FHIT: variants seen among roughly 807,000 people sequenced by gnomAD.
The protein encoded by FHIT is fragile histidine triad diadenosine triphosphatase.
A neutral mutation model predicts 17.9 loss-of-function variants in FHIT; 19 were observed. The ratio of observed to expected loss-of-function variants is 1.06; its 90% CI spans 0.74 to 1.56. FHIT has a LOEUF of 1.56. Among genes scored for constraint, FHIT ranks in the 40% most tolerant of loss-of-function variants. The pLI is 0.00. For synonymous variants in FHIT, 81 were observed against 69.7 expected (o/e 1.16, Z -0.81); for missense variants, 248 against 189.2 (o/e 1.31, Z -1.82).
At chr3:60,700,232 T>TA (rs549460561) in intron 4 of FHIT, among the ~76,000 whole-genome samples, 38 of 151,752 alleles carry the variant, frequency 2.5e-4, no homozygotes, top group African/African-American at 7.2e-4. Flanking sequence ...CCATGGCAAC[T>TA]AAAAAAAACA....
intron 5 of FHIT, among the ~76,000 whole-genome samples, chr3:60,523,111 C>G (rs575840044): frequency 1.3e-5 from 2 of 152,196 alleles, no homozygotes; most frequent in East Asian, 1.9e-4. Flanking sequence ...TGGGGGAAAC[C>G]ATCCCTGTGA....
chr3:59,953,713 C>A (rs568894906), intron 7 of FHIT, among the ~76,000 whole-genome samples: 1 of 152,190 alleles, frequency 6.6e-6, no homozygotes, highest in Admixed American at 6.5e-5. Context: ...ACCTAGCACA[C>A]CAAACCTTTC....
intron 3 of FHIT, among the ~76,000 whole-genome samples, chr3:60,886,908 G>A (rs1705249325): frequency 6.6e-6 from 1 of 152,150 alleles, no homozygotes; most frequent in Non-Finnish European, 1.5e-5. Context: ...TCTTTTCAGA[G>A]TTTCAGTTTA....
At position 60,840,719 on chromosome 3, in the gene FHIT, T is replaced by G. The variant is rs185371887; in HGVS notation, c.-110-18708A>C. Among the ~76,000 whole-genome samples the G allele has an allele frequency of 1.0e-3, 154 of 152,336 alleles. 1 individual carries two copies. Among genetic ancestry groups the G allele is most frequent in the Non-Finnish European group, 1.9e-4 (13 of 68,026 alleles). ...TGCCTTGAGGGCTTTCTCTTATAATTATGTGACAAATTATATCTGAATTAT... is the reference window on the plus strand; with the variant it reads ...TGCCTTGAGGGCTTTCTCTTATAATGATGTGACAAATTATATCTGAATTAT... On this transcript the variant is annotated intron_variant, in intron 3 of 9. Coordinates refer to ENST00000492590, the MANE Select transcript of FHIT (RefSeq NM_002012.4).
At chr3:60,034,197 G>A (rs1347576412) in intron 5 of FHIT, among the ~76,000 whole-genome samples, 6 of 152,222 alleles carry the variant, frequency 3.9e-5, no homozygotes, top group Non-Finnish European at 8.8e-5. Flanking sequence ...AGAGGGTCAA[G>A]GTGAATGGCT....
At chr3:59,922,470 C>T (rs1169704439) in intron 7 of FHIT, 56 bp from the exon 8 acceptor site, 3 of 1,450,428 alleles carry the variant, frequency 2.1e-6, no homozygotes, top group African/African-American at 1.4e-5. Context: ...TATTTTTAGA[C>T]TTGACAGTGA....
intron 2 of FHIT, among the ~76,000 whole-genome samples, chr3:61,043,540 C>T (rs2033633565): frequency 6.6e-6 from 1 of 152,236 alleles, no homozygotes; most frequent in Admixed American, 6.5e-5. Flanking sequence ...CTGTAGTCTC[C>T]ACCTCTGGGG....
chr3:60,853,567 A>C (rs1437131092), intron 3 of FHIT, among the ~76,000 whole-genome samples: 1 of 152,088 alleles, frequency 6.6e-6, no homozygotes, highest in African/African-American at 2.4e-5. Flanking sequence ...AATATAAAGC[A>C]AGGTCGTCTC....
At chr3:60,563,255 A>G (rs1201394057) in intron 4 of FHIT, among the ~76,000 whole-genome samples, 1 of 152,180 alleles carries the variant, frequency 6.6e-6, no homozygotes, top group Non-Finnish European at 1.5e-5. Flanking sequence ...AGAGCTAATA[A>G]TACTTACTGA....
rs1441378959 is a variant in FHIT, at chr3:61,068,401, A to G, written c.-163-26302T>C. ...TAGGAGGTTGACCCCTCCTTCCATC[A>G]TCAAGTCAGCAATGAGGGGTTGGGT... On this transcript the variant is annotated intron_variant, in intron 2 of 9. Coordinates refer to ENST00000492590, the MANE Select transcript of FHIT (RefSeq NM_002012.4). Among the ~76,000 whole-genome samples, 5 of 152,128 alleles carry G rather than the reference A, an allele frequency of 3.3e-5. No individual in the cohort carries two copies. The East Asian group carries it at 9.6e-4, about 29-fold the overall frequency.
chr3:61,229,545 C>T (rs1434431438), intron 1 of FHIT, among the ~76,000 whole-genome samples: 1 of 152,126 alleles, frequency 6.6e-6, no homozygotes, highest in East Asian at 1.9e-4. Flanking sequence ...AGCTGTAGTA[C>T]CTTACTAGCT....
intron 1 of FHIT, among the ~76,000 whole-genome samples, chr3:61,215,775 T>C (rs1445343926): frequency 6.6e-6 from 1 of 152,156 alleles, no homozygotes; most frequent in Non-Finnish European, 1.5e-5. Flanking sequence ...CAAAACAGCA[T>C]GGTACTGGTA....
intron 5 of FHIT, among the ~76,000 whole-genome samples, chr3:60,215,553 A>G (rs139184449): frequency 2.9e-4 from 44 of 152,174 alleles, no homozygotes; most frequent in Admixed American, 2.4e-3. Context: ...ACAGAGTGGT[A>G]CTCCATCTCA....
At chr3:60,428,948 A>T (rs1329700448) in intron 5 of FHIT, among the ~76,000 whole-genome samples, 1 of 152,122 alleles carries the variant, frequency 6.6e-6, no homozygotes. Flanking sequence ...GACAACTTTC[A>T]GTTACTCTGC....
intron 5 of FHIT, among the ~76,000 whole-genome samples, chr3:60,272,992 C>G (rs902509967): frequency 6.6e-6 from 1 of 152,204 alleles, no homozygotes; most frequent in Non-Finnish European, 1.5e-5. Context: ...GCCTAGGTAG[C>G]TAACCTGCTC....
At chr3:61,211,734 C>T (rs554309001) in intron 1 of FHIT, among the ~76,000 whole-genome samples, 11 of 152,184 alleles carry the variant, frequency 7.2e-5, no homozygotes, top group African/African-American at 2.6e-4. Flanking sequence ...GACCCCCGAG[C>T]AGCCTAACTG....
At chr3:59,836,582 A>T (rs1701348032) in intron 8 of FHIT, among the ~76,000 whole-genome samples, 1 of 152,144 alleles carries the variant, frequency 6.6e-6, no homozygotes. Flanking sequence ...TATAAAATGG[A>T]ACTTCAGAAC....
chr3:59,751,241 T>A (rs1700881641), intron 9 of FHIT: 1 of 178,654 alleles, frequency 5.6e-6, no homozygotes, highest in Non-Finnish European at 1.2e-5. Context: ...TTTCTCTCTC[T>A]CTCTCTCCTG....
chr3:59,864,899 A>G (rs1702573733), intron 8 of FHIT, among the ~76,000 whole-genome samples: 1 of 151,912 alleles, frequency 6.6e-6, no homozygotes, highest in Admixed American at 6.6e-5. Context: ...ACCTTCCTAT[A>G]ATCTCCAGAG....
Sources: allele counts gnomAD v4.1 joint callset (sites outside exome capture counted in the v4.1 genomes callset), GRCh38; gene constraint gnomAD v4.1.1; transcripts MANE v1.5; gene names NCBI Gene and HGNC (gene_info 2026-07-23, HGNC 2026-07-21).